Variants in CUX1 observed in about 807,000 individuals in gnomAD.
The protein encoded by CUX1 is protein CASP.
Under a neutral mutation model 158.8 loss-of-function variants are expected in CUX1, and 31 were observed. The ratio of observed to expected loss-of-function variants is 0.20; its 90% confidence interval spans 0.15 to 0.26. The LOEUF (loss-of-function observed/expected upper bound fraction) is 0.26. CUX1 is among the 10% of genes least tolerant of loss of function. CUX1 has a pLI of 1.00. For missense variants in CUX1, 1,589 were observed against 2,014.6 expected (o/e 0.79, Z 4.04); for synonymous variants, 879 against 862.1 (o/e 1.02, Z -0.34).
chr7:101,865,430 T>G (rs1293965422), intron 1 of CUX1, among the ~76,000 whole-genome samples: 17 of 152,346 alleles, frequency 1.1e-4, no homozygotes, highest in Non-Finnish European at 2.9e-5. Flanking sequence ...AAATCTTCAT[T>G]TCTTTCAGCT....
chr7:102,121,611 G>T (rs1832056786), intron 8 of CUX1, among the ~76,000 whole-genome samples: 1 of 152,150 alleles, frequency 6.6e-6, no homozygotes, highest in Non-Finnish European at 1.5e-5. Context: ...CTCCTGAAGT[G>T]CTGGGATGAC....
chr7:102,207,965 A>G (rs1402972390), intron 20 of CUX1, among the ~76,000 whole-genome samples: 2 of 152,062 alleles, frequency 1.3e-5, no homozygotes, highest in Non-Finnish European at 2.9e-5. Flanking sequence ...AGGCAGACAG[A>G]TCACCTGAAC....
intron 1 of CUX1, among the ~76,000 whole-genome samples, chr7:101,858,661 C>CTTTTTTTTTTTTTTT (rs760652607): frequency 9.7e-6 from 1 of 103,318 alleles, no homozygotes; most frequent in Non-Finnish European, 1.9e-5. Flanking sequence ...ATGCGAATGC[C>CTTTTTTTTTTTTTTT]TTTTTTTTTT....
At position 102,196,751 on chromosome 7, in the gene CUX1, G is replaced by T; in HGVS notation, c.1340G>T (p.Gly447Val). ...NPGEQASNTN[G>V]THQFSPAGLS... ...GGGGAGCAGGCTTCCAATACTAATG[G>T]TACACACCAGTTCTCACCAGCGGGG... is the stretch of plus-strand genomic sequence containing the variant. The change falls in exon 15 of 24, where the codon GGT (glycine) becomes GTT (valine). Residue 447 changes from glycine (G) to valine (V), a missense_variant. Physicochemically the swap from Gly to Val is moderately radical, Grantham distance 109. Around this residue, in one of 8 missense-constraint regions of CUX1, gnomAD observed 515 missense variants for 574.4 expected, o/e 0.90. Transcript: ENST00000292535. 6.2e-7 allele frequency: 1 copy of T among 1,613,998 alleles called. No homozygotes were observed.
intron 3 of CUX1, among the ~76,000 whole-genome samples, chr7:102,052,725 C>T (rs1823658766): frequency 6.6e-6 from 1 of 152,096 alleles, no homozygotes; most frequent in Non-Finnish European, 1.5e-5. Flanking sequence ...AACTGTTTTC[C>T]AAGGTGGCTG....
chr7:102,162,731 C>A (rs1488384760), intron 9 of CUX1, among the ~76,000 whole-genome samples: 2 of 152,060 alleles, frequency 1.3e-5, no homozygotes, highest in Non-Finnish European at 2.9e-5. Flanking sequence ...GCCCAGGCTG[C>A]TCTTGAACTC....
chr7:102,103,432 T>TCTCACTCA (rs143109348), intron 5 of CUX1, among the ~76,000 whole-genome samples: 13 of 148,462 alleles, frequency 8.8e-5, no homozygotes, highest in South Asian at 4.2e-4. Flanking sequence ...TCTCTCTCTC[T>TCTCACTCA]CTCACTCACT....
chr7:101,847,333 A>G (rs967978786), intron 1 of CUX1, among the ~76,000 whole-genome samples: 3 of 152,174 alleles, frequency 2.0e-5, no homozygotes, highest in Admixed American at 2.0e-4. Flanking sequence ...AGTGGATAAG[A>G]ACCTGGGGTT....
intron 19 of CUX1, chr7:102,280,746 C>T: frequency 6.4e-7 from 1 of 1,573,310 alleles, no homozygotes; most frequent in Non-Finnish European, 8.7e-7. Flanking sequence ...CTCTCTGCCA[C>T]AAGCCAGGGC....
At chr7:102,237,906 A>AT (rs1563467120) in intron 22 of CUX1, among the ~76,000 whole-genome samples, 3 of 151,966 alleles carry the variant, frequency 2.0e-5, no homozygotes, top group Non-Finnish European at 2.9e-5. Context: ...TCCACTGGAC[A>AT]GGGGGCCCTT....
At position 102,252,522 on chromosome 7, in the gene CUX1, A is replaced by G. The variant is rs988784414; in HGVS notation, c.*3480A>G. The stretch of plus-strand genomic sequence containing the variant: ...CATTTTAAATGGCTTCTTTTTGTTA[A>G]TTGGAGGCATTGTTCATAACTTAAG... On this transcript the variant is annotated 3_prime_UTR_variant, in exon 24 of 24. Transcript: ENST00000292535. 4.1e-6 allele frequency: 4 copies of G among 985,348 alleles called. No individual in the cohort carries two copies. In the Admixed American group the frequency reaches 1.8e-4, roughly 45 times the overall value. 61.0% of individuals were successfully genotyped at this position (985,348 alleles called of 1,614,324 possible).
At chr7:101,841,849 C>T (rs1795223861) in intron 1 of CUX1, among the ~76,000 whole-genome samples, 1 of 152,096 alleles carries the variant, frequency 6.6e-6, no homozygotes, top group African/African-American at 2.4e-5. Context: ...CATGAGCCAC[C>T]ACTCCTGGCC....
chr7:102,009,792 T>C (rs1817785412), intron 2 of CUX1, among the ~76,000 whole-genome samples: 1 of 152,258 alleles, frequency 6.6e-6, no homozygotes, highest in African/African-American at 2.4e-5. Context: ...TTCCTGTAAA[T>C]TTAAACCTCC....
chr7:102,222,767 G>T (rs1554527427), intron 20 of CUX1, among the ~76,000 whole-genome samples: 1 of 146,014 alleles, frequency 6.8e-6, no homozygotes, highest in Non-Finnish European at 1.5e-5. Flanking sequence ...TTAGAATATG[G>T]CCCATCCACC....
At chr7:102,038,069 AG>A (rs1821659599) in intron 3 of CUX1, among the ~76,000 whole-genome samples, 1 of 151,874 alleles carries the variant, frequency 6.6e-6, no homozygotes, top group Non-Finnish European at 1.5e-5. Context: ...AAAAGCAGAA[AG>A]ATAAGGCCAG....
chr7:102,192,724 G>C (rs1324740704), intron 12 of CUX1, among the ~76,000 whole-genome samples: 1 of 152,140 alleles, frequency 6.6e-6, no homozygotes, highest in Non-Finnish European at 1.5e-5. Context: ...GCGAAGGTCC[G>C]GTTGACTCTG....
chr7:101,956,045 G>C (rs997270503), intron 2 of CUX1, among the ~76,000 whole-genome samples: 1 of 151,398 alleles, frequency 6.6e-6, no homozygotes, highest in Non-Finnish European at 1.5e-5. Context: ...AGCCGGGTGA[G>C]GTGGCACATG....
At chr7:102,000,743 T>C (rs891199552) in intron 2 of CUX1, among the ~76,000 whole-genome samples, 2 of 152,152 alleles carry the variant, frequency 1.3e-5, no homozygotes, top group South Asian at 4.1e-4. Flanking sequence ...GGGTGAGTAT[T>C]AGTATTTAAG....
At chr7:101,936,620 C>T (rs1017556209) in intron 2 of CUX1, among the ~76,000 whole-genome samples, 3 of 152,138 alleles carry the variant, frequency 2.0e-5, no homozygotes, top group Admixed American at 1.3e-4. Context: ...CCATCATGCC[C>T]GGCTGCCGTG....
Sources: allele counts gnomAD v4.1 joint callset (sites outside exome capture counted in the v4.1 genomes callset), GRCh38; gene constraint gnomAD v4.1.1; regional missense constraint gnomAD v4.1.1; transcripts MANE v1.5; gene names NCBI Gene and HGNC (gene_info 2026-07-23, HGNC 2026-07-21).